PCDHGB3: variants seen among roughly 807,000 people sequenced by gnomAD.
PCDHGB3 encodes the protein protocadherin gamma subfamily B, 3, also known as protocadherin gamma-B3.
In PCDHGB3, 40 loss-of-function variants were observed where a neutral mutation model predicts 59.2. The observed-to-expected ratio is 0.68, with a 90% CI of 0.52 to 0.88. PCDHGB3 has a LOEUF of 0.88. PCDHGB3 is among the 40% of genes least tolerant of loss of function. The pLI is 0.00. For synonymous variants in PCDHGB3, 581 were observed against 503.6 expected (o/e 1.15, Z -2.06); for missense variants, 1,309 against 1,187.9 (o/e 1.10, Z -1.50).
intron 1 of PCDHGB3, chr5:141,375,591 C>T (rs1177848611): frequency 6.2e-7 from 1 of 1,614,194 alleles, no homozygotes; most frequent in East Asian, 2.2e-5. Flanking sequence ...CCCCTGTCCT[C>T]CTACGTGTCC....
intron 1 of PCDHGB3, chr5:141,388,705 A>G: frequency 6.2e-7 from 1 of 1,613,994 alleles, no homozygotes; most frequent in African/African-American, 1.3e-5. Flanking sequence ...GAGGGTGTCA[A>G]TGCCGAGATT....
chr5:141,372,267 G>A lies in PCDHGB3; in HGVS notation c.1873G>A (p.Glu625Lys), dbSNP rs763070594. 1 of 1,613,174 alleles carries A rather than the reference G, an allele frequency of 6.2e-7. No homozygotes were observed. Among genetic ancestry groups the A allele is most frequent in the Non-Finnish European group, 8.5e-7 (1 of 1,179,792 alleles). The change falls in exon 1 of 4, where the codon GAG (glutamate) becomes AAG (lysine). Residue 625 changes from glutamate to lysine, a missense_variant. By Grantham distance (56) the Glu-to-Lys change is moderately conservative (BLOSUM62 1). Transcript: ENST00000576222. ...GLFSLGLRTG[E>K]VRTARTLGDR... Reference sequence around the variant, plus strand: ...GTTCAGCCTGGGCCTGCGCACGGGTGAGGTGCGCACGGCGCGTACCTTGGG... The same window carrying A: ...GTTCAGCCTGGGCCTGCGCACGGGTAAGGTGCGCACGGCGCGTACCTTGGG...
At chr5:141,454,557 C>T (rs191373514) in intron 1 of PCDHGB3, among the ~76,000 whole-genome samples, 8 of 152,160 alleles carry the variant, frequency 5.3e-5, no homozygotes, top group Admixed American at 5.2e-4. Flanking sequence ...CAGGCATGTG[C>T]CACCACGCCC....
intron 1 of PCDHGB3, among the ~76,000 whole-genome samples, chr5:141,373,448 A>G (rs1222167588): frequency 6.6e-6 from 1 of 152,218 alleles, no homozygotes; most frequent in Non-Finnish European, 1.5e-5. Flanking sequence ...CCTTGATCCC[A>G]GGAGGTAGCA....
chr5:141,408,131 G>C, intron 1 of PCDHGB3: 1 of 1,482,338 alleles, frequency 6.7e-7, no homozygotes, highest in South Asian at 1.4e-5. Flanking sequence ...TGGGCCGAAT[G>C]CTCTTTTAGC....
chr5:141,415,076 G>A (rs772523894), intron 1 of PCDHGB3: 3 of 1,613,462 alleles, frequency 1.9e-6, no homozygotes, highest in South Asian at 1.1e-5. Context: ...CGCACGGCGC[G>A]AGCCCTGCTG....
chr5:141,428,729 ATAT>A (rs2097158318), intron 1 of PCDHGB3: 2 of 159,768 alleles, frequency 1.3e-5, no homozygotes. Flanking sequence ...AATCTTAAAC[ATAT>A]TATATCTACT....
chr5:141,507,368 T>C (rs1446319165), intron 3 of PCDHGB3: 2 of 152,094 alleles, frequency 1.3e-5, no homozygotes, highest in Non-Finnish European at 2.9e-5. Context: ...GGGAGCCCTG[T>C]ACTTTTATTT....
At chr5:141,435,941 A>G (rs1354198135) in intron 1 of PCDHGB3, among the ~76,000 whole-genome samples, 1 of 152,170 alleles carries the variant, frequency 6.6e-6, no homozygotes, top group Non-Finnish European at 1.5e-5. Flanking sequence ...TGCTTCTGAG[A>G]CCAAAAAAGG....
intron 1 of PCDHGB3, chr5:141,419,230 C>G (rs1439568232): frequency 6.2e-7 from 1 of 1,613,910 alleles, no homozygotes; most frequent in Non-Finnish European, 8.5e-7. Context: ...AGTCAGCCTA[C>G]CTGGTCCACG....
chr5:141,496,621 CA>C (rs2099769988), intron 2 of PCDHGB3, among the ~76,000 whole-genome samples: 1 of 152,332 alleles, frequency 6.6e-6, no homozygotes, highest in Non-Finnish European at 1.5e-5. Flanking sequence ...AGCAGCAGAT[CA>C]AAAGGCTTGG....
Position 141,432,320 on chromosome 5 carries a change from G to A in PCDHGB3, c.2415+59511G>A, listed in dbSNP as rs369088426. 4 of 1,614,120 alleles carry A rather than the reference G, an allele frequency of 2.5e-6. No individual in the cohort carries two copies. The African/African-American group carries it at 4.0e-5, about 16-fold the overall frequency. On this transcript the variant is annotated intron_variant, in intron 1 of 3. Coordinates refer to ENST00000576222, the MANE Select transcript of PCDHGB3 (RefSeq NM_018924.5). The surrounding 1 kb of genome is among the most constrained non-coding windows in gnomAD (Gnocchi z 6.0). ...GGTACTGTATGCGCTGAGCTCCTTC[G>A]ACTACGAGCAGTTCCGAGACTTGCA...
rs1423427104 is a variant in PCDHGB3, at chr5:141,417,737, C to T, written c.2415+44928C>T. 5 of 1,407,068 alleles carry T rather than the reference C, an allele frequency of 3.6e-6. No homozygotes were observed. In the African/African-American group the frequency reaches 7.2e-5, roughly 20 times the overall value. 87.2% of individuals were successfully genotyped at this position (1,407,068 alleles called of 1,614,324 possible). ...CCGGCTGCGCAGACCTTGCCCAGCA[C>T]ACCAGATTGCCAGCTCCGAGACCCG... is the stretch of plus-strand genomic sequence containing the variant. On this transcript the variant is annotated intron_variant, in intron 1 of 3. Transcript: ENST00000576222.
At chr5:141,406,072 CT>C (rs530474569) in intron 1 of PCDHGB3, among the ~76,000 whole-genome samples, 16,756 of 141,280 alleles carry the variant, frequency 0.12, 1,110 homozygotes, top group African/African-American at 0.2. Flanking sequence ...ATTCTTACTC[CT>C]TTTTTTTTTT....
In PCDHGB3 at chr5:141,417,676, C is replaced by G. The variant is rs902104404; in HGVS notation, c.2415+44867C>G. The G allele has an allele frequency of 1.7e-5, 17 of 993,450 alleles. No individual in the cohort carries two copies. The African/African-American group carries it at 2.8e-4, about 16-fold the overall frequency. The allele number at this position is 993,450 out of a possible 1,614,324, so 61.5% of individuals were successfully genotyped here. ...AGCCTGGGATTCCCTGCGCAGCCAACAACAGAAAAGAAAACCAGCTCCCAC... is the reference window on the plus strand; with the variant it reads ...AGCCTGGGATTCCCTGCGCAGCCAAGAACAGAAAAGAAAACCAGCTCCCAC... On this transcript the variant is annotated intron_variant, in intron 1 of 3. Transcript: ENST00000576222.
At chr5:141,494,926 G>C in intron 2 of PCDHGB3, 61 bp downstream of exon 2, 2 of 1,613,498 alleles carry the variant, frequency 1.2e-6, no homozygotes, top group Non-Finnish European at 1.7e-6. Context: ...GGATGACGTG[G>C]GAGGAGATGG....
intron 1 of PCDHGB3, chr5:141,377,329 A>G (rs2150108230): frequency 6.6e-6 from 1 of 152,270 alleles, no homozygotes; most frequent in South Asian, 2.1e-4. Flanking sequence ...GGTTTTAGCT[A>G]GCATGGTGGT....
intron 1 of PCDHGB3, chr5:141,404,341 A>C (rs2094516146): frequency 3.1e-6 from 5 of 1,613,966 alleles, no homozygotes; most frequent in Non-Finnish European, 4.2e-6. Context: ...ACCTCCCGGA[A>C]AACAACGCCA....
At chr5:141,378,646 T>C (rs1429624109) in intron 1 of PCDHGB3, 2 of 152,184 alleles carry the variant, frequency 1.3e-5, no homozygotes. Flanking sequence ...GGAGAACAAA[T>C]GTTAATGAGG....
Sources: allele counts gnomAD v4.1 joint callset (sites outside exome capture counted in the v4.1 genomes callset), GRCh38; gene constraint gnomAD v4.1.1; non-coding constraint Gnocchi (gnomAD v3.1); transcripts MANE v1.5; gene names NCBI Gene and HGNC (gene_info 2026-07-23, HGNC 2026-07-21).